Variants in EXOC1 observed in about 807,000 individuals in gnomAD.
EXOC1 encodes the protein SEC3-like 1.
A neutral mutation model predicts 107.7 loss-of-function variants in EXOC1; 67 were observed. That is an observed-to-expected ratio of 0.62 (90% confidence interval 0.51 to 0.76). The LOEUF is 0.76. EXOC1 is among the 30% of genes least tolerant of loss of function. The pLI is 0.00. For missense variants in EXOC1, 833 were observed against 1,055.7 expected (o/e 0.79, Z 2.92); for synonymous variants, 348 against 353.5 (o/e 0.98, Z 0.17).
chr4:55,873,950 G>A (rs1171886478), intron 8 of EXOC1, among the ~76,000 whole-genome samples: 7 of 152,200 alleles, frequency 4.6e-5, no homozygotes, highest in African/African-American at 9.6e-5. Context: ...CTACCCTCAA[G>A]ATGCTTGTAA....
At chr4:55,869,621 G>A (rs1176022742) in intron 5 of EXOC1, among the ~76,000 whole-genome samples, 1 of 152,166 alleles carries the variant, frequency 6.6e-6, no homozygotes, top group Non-Finnish European at 1.5e-5. Flanking sequence ...TTCACTGAAA[G>A]CAAAGCCTAG....
intron 18 of EXOC1, among the ~76,000 whole-genome samples, chr4:55,903,756 A>C (rs1449778783): frequency 6.6e-6 from 1 of 152,156 alleles, no homozygotes; most frequent in East Asian, 1.9e-4. Flanking sequence ...TGTGTATCAC[A>C]TTGTGTCTTG....
chr4:55,857,415 G>T (rs1467285078), intron 1 of EXOC1, among the ~76,000 whole-genome samples: 5 of 151,610 alleles, frequency 3.3e-5, no homozygotes, highest in African/African-American at 1.2e-4. Flanking sequence ...TGATCCGCCC[G>T]CCTCGGCCTC....
At chr4:55,871,822 T>A in intron 7 of EXOC1, 27 bp from the exon 8 acceptor site, 1 of 1,598,652 alleles carries the variant, frequency 6.3e-7, no homozygotes, top group Non-Finnish European at 8.6e-7. Flanking sequence ...CCCATTAAAC[T>A]GGTCACAAAA....
chr4:55,866,537 A>T (rs567841567), intron 4 of EXOC1, among the ~76,000 whole-genome samples: 48 of 152,300 alleles, frequency 3.2e-4, no homozygotes, highest in African/African-American at 1.1e-3. Flanking sequence ...CATGAGTCAC[A>T]ACTGACCTAA....
chr4:55,899,025 T>A (rs915993517), intron 16 of EXOC1, among the ~76,000 whole-genome samples: 4 of 152,176 alleles, frequency 2.6e-5, no homozygotes, highest in Admixed American at 2.0e-4. Context: ...GCAGTTGCAT[T>A]ACAGCTGTAC....
intron 1 of EXOC1, among the ~76,000 whole-genome samples, chr4:55,857,168 C>CTTTTTTTTTTTTTTTTTTTTTTTTTTTTT (rs71192052): frequency 4.6e-5 from 3 of 65,738 alleles, no homozygotes; most frequent in African/African-American, 1.3e-4. Flanking sequence ...TCCTTTTTTT[C>CTTTTTTTTTTTTTTTTTTTTTTTTTTTTT]TTTTTTTTTT....
chr4:55,892,189 G>T (rs1724636251), intron 13 of EXOC1, among the ~76,000 whole-genome samples: 1 of 151,758 alleles, frequency 6.6e-6, no homozygotes, highest in Non-Finnish European at 1.5e-5. Flanking sequence ...TTTATTTGTT[G>T]GCCTCTGTAA....
intron 5 of EXOC1, among the ~76,000 whole-genome samples, chr4:55,869,203 T>TA (rs879426004): frequency 0.019 from 2,746 of 143,594 alleles, 67 homozygotes; most frequent in African/African-American, 0.059. Context: ...ACATCTCTAC[T>TA]AAAAAAAAAA....
chr4:55,900,402 G>A (rs549949346), intron 17 of EXOC1, among the ~76,000 whole-genome samples: 2 of 152,106 alleles, frequency 1.3e-5, no homozygotes, highest in South Asian at 2.1e-4. Flanking sequence ...TTTCTACATT[G>A]CCTTTTACTT....
intron 13 of EXOC1, 71 bp downstream of exon 13, chr4:55,891,493 A>G (rs1443779106): frequency 9.8e-7 from 1 of 1,022,086 alleles, no homozygotes; most frequent in Non-Finnish European, 1.5e-6. Flanking sequence ...ATATGTGGTC[A>G]CAATTTTATG....
At chr4:55,891,843 CAGAT>C (rs1724589213) in intron 13 of EXOC1, among the ~76,000 whole-genome samples, 1 of 152,154 alleles carries the variant, frequency 6.6e-6, no homozygotes, top group Non-Finnish European at 1.5e-5. Flanking sequence ...AATGAGGCCT[CAGAT>C]TTGCCTTCCT....
intron 8 of EXOC1, 192 bp from the exon 9 acceptor site, chr4:55,877,725 G>A: frequency 2.0e-6 from 2 of 985,284 alleles, no homozygotes. Context: ...TGGTGGTAAT[G>A]TTCATTTGAT....
chr4:55,864,092 T>C lies in EXOC1; in HGVS notation c.256-135T>C, dbSNP rs528226071. ...GCTATAAATTGAATTCTCCAAACTC[T>C]TCCTTTCCAGTTGCTTAGCTGATTT... is the stretch of plus-strand genomic sequence containing the variant. On this transcript the variant is annotated intron_variant, in intron 3 of 18. Coordinates refer to ENST00000381295, the MANE Select transcript of EXOC1 (RefSeq NM_001024924.2). 4.9e-6 allele frequency: 3 copies of C among 610,498 alleles called. No homozygotes were observed. In the African/African-American group the frequency reaches 5.7e-5, roughly 12 times the overall value. 37.8% of individuals were successfully genotyped at this position (610,498 alleles called of 1,614,324 possible).
chr4:55,871,864 T>G lies in EXOC1; in HGVS notation c.980T>G (p.Leu327Arg). Residue 327 changes from leucine (L) to arginine (R), a missense_variant, in exon 8 of 19, where the codon CTG (leucine) becomes CGG (arginine). Transcript: ENST00000381295. ...VALRPGHDLL[L>R]AVKQQQQRFS... ...TCTGTGTCAGGCCATGACTTGCTTC[T>G]GGCAGTCAAACAGCAACAGCAGCGA... is the stretch of plus-strand genomic sequence containing the variant. The G allele has an allele frequency of 6.2e-7, 1 of 1,613,790 alleles. No homozygotes were observed. The highest frequency in any genetic ancestry group is 1.7e-5 in the Admixed American group (1 of 59,966).
At position 55,877,988 on chromosome 4, in the gene EXOC1, T is replaced by C. The variant is rs1718837384; in HGVS notation, c.1146T>C (p.His382=). 1 of 1,613,918 alleles carries C rather than the reference T, an allele frequency of 6.2e-7. No homozygotes were observed. Among genetic ancestry groups the C allele is most frequent in the Non-Finnish European group, 8.5e-7 (1 of 1,179,884 alleles). ...CTTTACCCAATCATCATCCATTTCATAGAGATTTGCTCCGATATGCCAAGC... is the reference window on the plus strand; with the variant it reads ...CTTTACCCAATCATCATCCATTTCACAGAGATTTGCTCCGATATGCCAAGC... The part of the protein sequence containing the change: ...ELTLPNHHPF[H]RDLLRYAKLM... Residue 382 remains histidine (H), a synonymous_variant, in exon 9 of 19, where the codon CAT becomes CAC. Coordinates refer to ENST00000381295, the MANE Select transcript of EXOC1 (RefSeq NM_001024924.2).
At chr4:55,871,359 A>G in intron 7 of EXOC1, 126 bp downstream of exon 7, 1 of 1,202,018 alleles carries the variant, frequency 8.3e-7, no homozygotes, top group Non-Finnish European at 1.1e-6. Context: ...TAGCTATTCA[A>G]GTTTCACTGA....
Position 55,896,746 on chromosome 4 carries a change from A to C in EXOC1, c.1983A>C (p.Val661=), listed in dbSNP as rs1392674603. ...ACCAAATAAGGCAAATGGAAGAAGT[A>C]AAGATCTCAAAAAAGAGTAAAGTTG... ...ISNQIRQMEE[V]KISKKSKVGI... is the part of the protein sequence containing the mutation. The change falls in exon 16 of 19, where the codon GTA becomes GTC. Residue 661 remains valine, a synonymous_variant. Transcript: ENST00000381295. The C allele has an allele frequency of 1.9e-6, 3 of 1,609,252 alleles. No individual in the cohort carries two copies. Among genetic ancestry groups the C allele is most frequent in the Non-Finnish European group, 2.5e-6 (3 of 1,178,872 alleles).
chr4:55,896,405 A>G (rs1725209916), intron 15 of EXOC1, among the ~76,000 whole-genome samples: 1 of 152,154 alleles, frequency 6.6e-6, no homozygotes, highest in Admixed American at 6.5e-5. Context: ...TGGCCTCCCA[A>G]AGTGCTGGGA....
Sources: gnomAD v4.1 joint callset for allele counts (sites outside exome capture counted in the v4.1 genomes callset) on GRCh38, gnomAD v4.1.1 for gene constraint, MANE v1.5 for transcripts, NCBI Gene and HGNC (gene_info 2026-07-23, HGNC 2026-07-21) for gene names.